The following ULK4 variants were observed in gnomAD, a reference collection of about 807,000 sequenced individuals.
ULK4 encodes the protein inactive serine/threonine-protein kinase ULK4.
A neutral mutation model predicts 160.6 loss-of-function variants in ULK4; 133 were observed. The observed-to-expected ratio is 0.83, with a 90% CI of 0.72 to 0.96. The LOEUF (loss-of-function observed/expected upper bound fraction) is 0.96. ULK4 is among the 40% of genes least tolerant of loss of function. The pLI is 0.00. For synonymous variants in ULK4, 534 were observed against 539.8 expected (o/e 0.99, Z 0.15); for missense variants, 1,580 against 1,499.5 (o/e 1.05, Z -0.89).
intron 32 of ULK4, among the ~76,000 whole-genome samples, chr3:41,527,452 G>A (rs2086159557): frequency 6.6e-6 from 1 of 152,364 alleles, no homozygotes; most frequent in South Asian, 2.1e-4. Context: ...ACAATGGTGA[G>A]TGGGTATACT....
chr3:41,605,202 T>C (rs572060322), intron 31 of ULK4, among the ~76,000 whole-genome samples: 1 of 149,908 alleles, frequency 6.7e-6, no homozygotes, highest in Non-Finnish European at 1.5e-5. Flanking sequence ...GAAAAAGACA[T>C]AAAGAAAAAC....
intron 19 of ULK4, among the ~76,000 whole-genome samples, chr3:41,803,266 C>G (rs995096799): frequency 3.3e-5 from 5 of 149,708 alleles, no homozygotes; most frequent in Non-Finnish European, 5.9e-5. Context: ...GACATTTATA[C>G]AACACTCCAC....
At chr3:41,829,633 A>G (rs1362959676) in intron 18 of ULK4, among the ~76,000 whole-genome samples, 1 of 152,334 alleles carries the variant, frequency 6.6e-6, no homozygotes, top group East Asian at 1.9e-4. Context: ...ATCATTAAAA[A>G]GTGAGGAAAA....
intron 35 of ULK4, among the ~76,000 whole-genome samples, chr3:41,307,974 G>C (rs1361839958): frequency 6.6e-6 from 1 of 152,108 alleles, no homozygotes; most frequent in Non-Finnish European, 1.5e-5. Flanking sequence ...CCAAAAGCTT[G>C]AGTTTCCGCA....
intron 25 of ULK4, among the ~76,000 whole-genome samples, chr3:41,706,751 C>A (rs1488602372): frequency 6.6e-6 from 1 of 150,450 alleles, no homozygotes; most frequent in Non-Finnish European, 1.5e-5. Flanking sequence ...TTGCTTGAGC[C>A]CAGGAAGCGG....
intron 32 of ULK4, among the ~76,000 whole-genome samples, chr3:41,510,997 C>A (rs547042422): frequency 4.5e-4 from 68 of 151,934 alleles, no homozygotes; most frequent in African/African-American, 1.5e-3. Context: ...CCCACCTCTA[C>A]TAAAAAATAC....
intron 35 of ULK4, among the ~76,000 whole-genome samples, chr3:41,361,616 T>C (rs939472184): frequency 2.0e-5 from 3 of 152,240 alleles, no homozygotes; most frequent in Non-Finnish European, 4.4e-5. Flanking sequence ...AGATAAGTTT[T>C]CATATCCCGA....
chr3:41,289,898 G>A (rs59575722), intron 35 of ULK4, among the ~76,000 whole-genome samples: 36,815 of 151,540 alleles, frequency 0.24, 6,558 homozygotes, highest in African/African-American at 0.5. Flanking sequence ...TATGTGTGAC[G>A]GAGTTTTGCT....
At chr3:41,539,952 G>A (rs1387467355) in intron 32 of ULK4, among the ~76,000 whole-genome samples, 1 of 152,158 alleles carries the variant, frequency 6.6e-6, no homozygotes, top group African/African-American at 2.4e-5. Flanking sequence ...TAAAGGCATT[G>A]TTCCACAGTA....
intron 32 of ULK4, among the ~76,000 whole-genome samples, chr3:41,503,742 A>C (rs747782570): frequency 2.0e-5 from 3 of 152,212 alleles, no homozygotes; most frequent in Non-Finnish European, 4.4e-5. Flanking sequence ...AAAACAAGAA[A>C]TCTGATGATT....
At chr3:41,357,048 A>G (rs111680070) in intron 35 of ULK4, among the ~76,000 whole-genome samples, 6 of 152,184 alleles carry the variant, frequency 3.9e-5, no homozygotes, top group Non-Finnish European at 7.3e-5. Flanking sequence ...CTTTTCAGGC[A>G]TCTTCTGCAA....
At chr3:41,683,062 C>T (rs1347351735) in intron 27 of ULK4, among the ~76,000 whole-genome samples, 1 of 152,114 alleles carries the variant, frequency 6.6e-6, no homozygotes, top group Non-Finnish European at 1.5e-5. Flanking sequence ...TCCAGCTCAT[C>T]CCTGCTACAG....
chr3:41,451,467 A>T (rs1339596426), intron 34 of ULK4, among the ~76,000 whole-genome samples: 1 of 151,842 alleles, frequency 6.6e-6, no homozygotes, highest in East Asian at 2.0e-4. Context: ...ATGTGATCAA[A>T]GGGGAAATTT....
At chr3:41,868,302 C>T (rs111707036) in intron 17 of ULK4, among the ~76,000 whole-genome samples, 1,940 of 152,194 alleles carry the variant, frequency 0.013, 32 homozygotes, top group African/African-American at 0.044. Flanking sequence ...ATTGTTAATG[C>T]TTCCTAATGA....
chr3:41,787,595 T>G (rs938937574), intron 21 of ULK4, among the ~76,000 whole-genome samples: 2 of 152,212 alleles, frequency 1.3e-5, no homozygotes, highest in African/African-American at 4.8e-5. Flanking sequence ...ACCCAAAATG[T>G]TTTATGTGTA....
At chr3:41,794,674 A>AAAAAAAAAAAAAAAAAAAAAC (rs2040247040) in intron 20 of ULK4, among the ~76,000 whole-genome samples, 1 of 130,738 alleles carries the variant, frequency 7.6e-6, no homozygotes, top group Non-Finnish European at 1.6e-5. Context: ...AAAAAAAAAA[A>AAAAAAAAAAAAAAAAAAAAAC]AAAAAAAAAA....
At chr3:41,673,441 T>C (rs1309781482) in intron 29 of ULK4, among the ~76,000 whole-genome samples, 1 of 152,120 alleles carries the variant, frequency 6.6e-6, no homozygotes, top group Admixed American at 6.6e-5. Context: ...TAAAAGGAAA[T>C]GCCATTCTAA....
intron 32 of ULK4, among the ~76,000 whole-genome samples, chr3:41,494,878 G>A (rs572384359): frequency 0.013 from 1,912 of 152,188 alleles, 28 homozygotes; most frequent in Non-Finnish European, 0.019. Flanking sequence ...CACAAGGGAC[G>A]TGAAGGACCT....
intron 21 of ULK4, among the ~76,000 whole-genome samples, chr3:41,774,889 A>G (rs2039543957): frequency 6.6e-6 from 1 of 150,570 alleles, no homozygotes. Flanking sequence ...AATACTATGC[A>G]GCCATAAAAA....
Sources: gnomAD v4.1 joint callset for allele counts (sites outside exome capture counted in the v4.1 genomes callset) on GRCh38, gnomAD v4.1.1 for gene constraint, MANE v1.5 for transcripts, NCBI Gene and HGNC (gene_info 2026-07-23, HGNC 2026-07-21) for gene names.